Variants in TNR observed in about 807,000 individuals in gnomAD.
The protein encoded by TNR is tenascin R, also known as tenascin-R.
In TNR, 45 loss-of-function variants were observed where a neutral mutation model predicts 150.4. The observed-to-expected ratio is 0.30, with a 90% confidence interval of 0.24 to 0.38. The LOEUF (loss-of-function observed/expected upper bound fraction) is 0.38. Among genes scored for constraint, TNR ranks in the 10% least tolerant of loss-of-function variants. The pLI is 1.00. For synonymous variants in TNR, 687 were observed against 678.4 expected (o/e 1.01, Z -0.20); for missense variants, 1,544 against 1,759.1 (o/e 0.88, Z 2.19).
chr1:175,655,717 A>G (rs1282984827), intron 1 of TNR, among the ~76,000 whole-genome samples: 1 of 152,224 alleles, frequency 6.6e-6, no homozygotes, highest in Non-Finnish European at 1.5e-5. Flanking sequence ...ATGACCTTAT[A>G]TAAGTGGGTT....
At chr1:175,402,148 A>T (rs1293931597) in intron 4 of TNR, among the ~76,000 whole-genome samples, 2 of 151,618 alleles carry the variant, frequency 1.3e-5, no homozygotes, top group Non-Finnish European at 2.9e-5. Flanking sequence ...TCTACTAAAA[A>T]TACAAAAAAT....
intron 1 of TNR, among the ~76,000 whole-genome samples, chr1:175,726,861 T>C (rs965615350): frequency 2.6e-5 from 4 of 152,168 alleles, no homozygotes; most frequent in Non-Finnish European, 5.9e-5. Flanking sequence ...AAATATGATA[T>C]ACAAATAGCT....
intron 1 of TNR, among the ~76,000 whole-genome samples, chr1:175,578,692 G>A (rs1191217239): frequency 6.6e-6 from 1 of 152,198 alleles, no homozygotes; most frequent in Non-Finnish European, 1.5e-5. Flanking sequence ...GAGATCCCTG[G>A]AGCTGAACTA....
At chr1:175,329,597 T>C (rs2101983149) in intron 21 of TNR, among the ~76,000 whole-genome samples, 1 of 152,232 alleles carries the variant, frequency 6.6e-6, no homozygotes, top group Admixed American at 6.5e-5. Context: ...CAGAGAGGGG[T>C]GACATCTGTA....
chr1:175,656,176 G>A (rs1665169040), intron 1 of TNR, among the ~76,000 whole-genome samples: 1 of 149,994 alleles, frequency 6.7e-6, no homozygotes, highest in Admixed American at 6.6e-5. Flanking sequence ...GTGTGTGTGT[G>A]TGTGTGTGTG....
In TNR at chr1:175,711,822, A is replaced by G. The variant is rs564413087; in HGVS notation, c.-165+31404T>C. 2.1e-3 allele frequency among the ~76,000 whole-genome samples: 313 copies of G among 152,312 alleles called. 1 individual carries two copies. Among genetic ancestry groups the G allele is most frequent in the African/African-American group, 6.7e-3 (279 of 41,572 alleles). ...GAGCTCCTGGGAGGAAGGGATTGTT[A>G]TCTGAGTTGGGAAATTGTCATTTGA... is the stretch of plus-strand genomic sequence containing the variant. On this transcript the variant is annotated intron_variant, in intron 1 of 22. Transcript: ENST00000367674.
intron 1 of TNR, among the ~76,000 whole-genome samples, chr1:175,549,285 C>A (rs193062053): frequency 1.3e-5 from 2 of 152,326 alleles, no homozygotes; most frequent in African/African-American, 4.8e-5. Flanking sequence ...TGTTCAGAGT[C>A]AAGTTTGTTG....
In TNR at chr1:175,347,728, T is replaced by A. The variant is rs529172084; in HGVS notation, c.3382+6663A>T. On this transcript the variant is annotated intron_variant, in intron 18 of 22. Transcript: ENST00000367674. ...GAGCCACTGCGCCTGGCCTAAATAGTTTTTTTTTTAATTTAAATTTACATT... is the reference window on the plus strand; with the variant it reads ...GAGCCACTGCGCCTGGCCTAAATAGATTTTTTTTTAATTTAAATTTACATT... Among the ~76,000 whole-genome samples, 106 of 149,444 alleles carry A rather than the reference T, an allele frequency of 7.1e-4. No homozygotes were observed. In the Middle Eastern group the frequency reaches 0.01, roughly 15 times the overall value.
chr1:175,326,271 G>A (rs34045468), intron 21 of TNR, among the ~76,000 whole-genome samples: 1 of 152,138 alleles, frequency 6.6e-6, no homozygotes, highest in Non-Finnish European at 1.5e-5. Context: ...TTGTGGCTCA[G>A]GATGTTGTGA....
intron 1 of TNR, among the ~76,000 whole-genome samples, chr1:175,714,546 G>A (rs960796499): frequency 7.2e-5 from 11 of 152,102 alleles, no homozygotes; most frequent in African/African-American, 1.2e-4. Context: ...GATAAACAAT[G>A]ACCACTCAGC....
intron 18 of TNR, among the ~76,000 whole-genome samples, chr1:175,343,471 G>T (rs753875497): frequency 8.5e-5 from 13 of 152,182 alleles, no homozygotes; most frequent in Admixed American, 2.0e-4. Flanking sequence ...GGAGGAAGTG[G>T]CAAGTGATAA....
intron 1 of TNR, among the ~76,000 whole-genome samples, chr1:175,627,019 G>C (rs1334941392): frequency 6.6e-6 from 1 of 152,168 alleles, no homozygotes; most frequent in Non-Finnish European, 1.5e-5. Flanking sequence ...TCCTTCAGAG[G>C]AACCTAGATC....
chr1:175,654,682 G>T (rs1275647743), intron 1 of TNR, among the ~76,000 whole-genome samples: 1 of 149,392 alleles, frequency 6.7e-6, no homozygotes, highest in African/African-American at 2.5e-5. Context: ...ATCTATCTCG[G>T]TGAATGTCTT....
chr1:175,436,012 T>C (rs904611906), intron 2 of TNR, among the ~76,000 whole-genome samples: 9 of 152,260 alleles, frequency 5.9e-5, no homozygotes, highest in African/African-American at 2.2e-4. Context: ...GATCAGCTCT[T>C]AGTCTGATGG....
chr1:175,354,785 A>T (rs1286229276), intron 17 of TNR, among the ~76,000 whole-genome samples: 1 of 152,238 alleles, frequency 6.6e-6, no homozygotes, highest in Non-Finnish European at 1.5e-5. Flanking sequence ...AGAAGTCTTC[A>T]GATTGCACTG....
At chr1:175,647,435 C>CAAAAAAAAAAAAA (rs397745737) in intron 1 of TNR, among the ~76,000 whole-genome samples, 39 of 121,646 alleles carry the variant, frequency 3.2e-4, no homozygotes, top group East Asian at 1.3e-3. Context: ...CTATTCGGTG[C>CAAAAAAAAAAAAA]AAAAAAAAAA....
intron 1 of TNR, among the ~76,000 whole-genome samples, chr1:175,619,551 C>T (rs1663895142): frequency 6.6e-6 from 1 of 152,258 alleles, no homozygotes; most frequent in South Asian, 2.1e-4. Flanking sequence ...AAGTATCCTC[C>T]ACAGCTCGCT....
chr1:175,430,590 A>C (rs1655219259), intron 2 of TNR, among the ~76,000 whole-genome samples: 1 of 152,336 alleles, frequency 6.6e-6, no homozygotes, highest in African/African-American at 2.4e-5. Flanking sequence ...TTTATCTGAC[A>C]GGTGAGAAAA....
intron 18 of TNR, among the ~76,000 whole-genome samples, chr1:175,343,646 T>A (rs1650632662): frequency 6.6e-6 from 1 of 152,214 alleles, no homozygotes. Flanking sequence ...GCTCTTACCT[T>A]ATTCATCACT....
Sources: allele counts gnomAD v4.1 joint callset (sites outside exome capture counted in the v4.1 genomes callset), GRCh38; gene constraint gnomAD v4.1.1; transcripts MANE v1.5; gene names NCBI Gene and HGNC (gene_info 2026-07-23, HGNC 2026-07-21).